PEAR1: variants seen among roughly 807,000 people sequenced by gnomAD.
The protein encoded by PEAR1 is multiple EGF-like domains protein 12.
Under a neutral mutation model 131.2 loss-of-function variants are expected in PEAR1, and 113 were observed. That is an observed-to-expected ratio of 0.86 (90% CI 0.74 to 1.01). The LOEUF (loss-of-function observed/expected upper bound fraction) is 1.01, where lower values mean the gene tolerates loss of function less well. PEAR1 is among the 50% of genes least tolerant of loss of function. PEAR1 has a pLI of 0.00. For synonymous variants in PEAR1, 565 were observed against 523.3 expected, an observed-to-expected ratio of 1.08 and a Z score of -1.09; for missense variants, 1,408 against 1,391.1, an observed-to-expected ratio of 1.01 and a Z score of -0.19.
chr1:156,915,874 A>T lies in PEAR1; in HGVS notation c.*1076A>T, dbSNP rs1344327300. ...TGGCTGACTGAATTAAGTACCAGTG[A>T]CATGCAGTAACTGCTAAGATAGATG... On this transcript the variant is annotated 3_prime_UTR_variant, in exon 23 of 23. Transcript: ENST00000292357. 1.3e-5 allele frequency: 2 copies of T among 152,258 alleles called. No homozygotes were observed. The highest frequency in any genetic ancestry group is 2.9e-5 in the Non-Finnish European group (2 of 68,046). The allele number at this position is 152,258 out of a possible 1,614,324, so 9.4% of individuals were successfully genotyped here. A position where few individuals can be genotyped will look rare whatever the true frequency, so the allele number is the denominator to read the frequency against.
chr1:156,897,290 C>T (rs1316811238), intron 1 of PEAR1, among the ~76,000 whole-genome samples: 10 of 152,144 alleles, frequency 6.6e-5, no homozygotes, highest in South Asian at 2.1e-4. Flanking sequence ...ATGGGAGCCG[C>T]GAGGAAACAC....
chr1:156,906,891 G>T lies in PEAR1; in HGVS notation c.644+11G>T, dbSNP rs762325882. ...GAGAACTGGGCCCAGGTATGTAATG[G>T]GGGGAACGACACTTTAACAAGATCG... On this transcript the variant is annotated intron_variant, in intron 6 of 22. Coordinates refer to ENST00000292357, the MANE Select transcript of PEAR1 (RefSeq NM_001080471.3). 6 of 1,612,372 alleles carry T rather than the reference G, an allele frequency of 3.7e-6. No homozygotes were observed. Among genetic ancestry groups the T allele is most frequent in the African/African-American group, 1.3e-5 (1 of 74,894 alleles).
chr1:156,907,852 G>T (rs1650517680), intron 7 of PEAR1, 63 bp from the exon 8 acceptor site: 2 of 1,586,026 alleles, frequency 1.3e-6, no homozygotes, highest in South Asian at 2.3e-5. Context: ...GGTGTCAAGG[G>T]GTCCTGTGGC....
intron 1 of PEAR1, among the ~76,000 whole-genome samples, chr1:156,901,898 A>T (rs1649719282): frequency 6.6e-6 from 1 of 151,914 alleles, no homozygotes; most frequent in African/African-American, 2.4e-5. Context: ...GTTTGGGGAC[A>T]TTGGGAGAAG....
In PEAR1 at chr1:156,908,477, G is replaced by C; in HGVS notation, c.1115+137G>C. 2 of 1,245,522 alleles carry C rather than the reference G, an allele frequency of 1.6e-6. No individual in the cohort carries two copies. Among genetic ancestry groups the C allele is most frequent in the Non-Finnish European group, 2.2e-6 (2 of 926,280 alleles). The allele number at this position is 1,245,522 out of a possible 1,614,324, so 77.2% of individuals were successfully genotyped here. The stretch of plus-strand genomic sequence containing the variant: ...GGGAAAGGGAGGGACCTCAGGGGCC[G>C]GGAGGGGCCTGGGGTACCGCTACTT... On this transcript the variant is annotated intron_variant, in intron 9 of 22. Transcript: ENST00000292357. The surrounding 1 kb of genome is among the most constrained non-coding windows in gnomAD (Gnocchi z 4.2).
chr1:156,900,230 TGGA>T (rs1333724641), intron 1 of PEAR1, among the ~76,000 whole-genome samples: 3 of 151,904 alleles, frequency 2.0e-5, no homozygotes, highest in Non-Finnish European at 4.4e-5. Context: ...CATCTCGAGG[TGGA>T]GGAGAGAGAA....
chr1:156,906,718 G>A lies in PEAR1; in HGVS notation c.482G>A (p.Gly161Glu). 2 of 1,614,204 alleles carry A rather than the reference G, an allele frequency of 1.2e-6. No homozygotes were observed. Among genetic ancestry groups the A allele is most frequent in the South Asian group, 1.1e-5 (1 of 91,082 alleles). Residue 161 changes from glycine to glutamate, a missense_variant, in exon 6 of 23, where the codon GGG becomes GAG. Transcript: ENST00000292357. ...GNNSSCDPKSGVCSCPSGLQP... is the reference protein window; with the variant it reads ...GNNSSCDPKSEVCSCPSGLQP... ...AACAGCTCGTGTGATCCCAAGAGTG[G>A]GGTATGTTCTTGCCCTTCTGGTCTG...
intron 15 of PEAR1, among the ~76,000 whole-genome samples, chr1:156,911,167 T>C (rs1351235304): frequency 1.5e-5 from 2 of 133,118 alleles, no homozygotes; most frequent in African/African-American, 6.1e-5. Context: ...TCTTTCTTTC[T>C]TTCCTTTCTT....
In PEAR1 at chr1:156,908,702, G is replaced by A; in HGVS notation, c.1163G>A (p.Gly388Asp). ...TGCTCCTGCCTGCCGGGCTGGGCGG[G>A]CCTCCACTGCAACGAGAGCTGCCCG... ...GECSCLPGWA[G>D]LHCNESCPQD... The change falls in exon 10 of 23, where the codon GGC (glycine) becomes GAC (aspartate). Residue 388 changes from glycine (G) to aspartate (D), a missense_variant. Physicochemically the swap from Gly to Asp is moderately conservative, Grantham distance 94. Transcript: ENST00000292357. The surrounding 1 kb of genome is among the most constrained non-coding windows in gnomAD (Gnocchi z 4.2). 1.3e-6 allele frequency: 2 copies of A among 1,540,900 alleles called. No individual in the cohort carries two copies. The highest frequency in any genetic ancestry group is 1.7e-6 in the Non-Finnish European group (2 of 1,147,960).
In PEAR1 at chr1:156,908,142, G is replaced by T; in HGVS notation, c.917G>T (p.Cys306Phe). The change falls in exon 9 of 23, where the codon TGC (cysteine) becomes TTC (phenylalanine). Residue 306 changes from cysteine (C) to phenylalanine (F), a missense_variant. Transcript: ENST00000292357. The surrounding 1 kb of genome is among the most constrained non-coding windows in gnomAD (Gnocchi z 4.2). ...TAGGTGCCCAGGTGCCGGGAGGAGTGCCCGGTGGGCCGCTTTGGGCAGGAC... is the reference window on the plus strand; with the variant it reads ...TAGGTGCCCAGGTGCCGGGAGGAGTTCCCGGTGGGCCGCTTTGGGCAGGAC... ...GYTGDRCREE[C>F]PVGRFGQDCA... The T allele has an allele frequency of 6.3e-7, 1 of 1,598,010 alleles. No individual in the cohort carries two copies.
chr1:156,914,096 C>T lies in PEAR1; in HGVS notation c.2958C>T (p.Ile986=). 1 of 1,589,102 alleles carries T rather than the reference C, an allele frequency of 6.3e-7. No homozygotes were observed. Among genetic ancestry groups the T allele is most frequent in the Non-Finnish European group, 8.6e-7 (1 of 1,166,980 alleles). The change falls in exon 22 of 23, where the codon ATC becomes ATT. Residue 986 remains isoleucine, a synonymous_variant. Transcript: ENST00000292357. ...CCTACGAGCAGCCCAGCCCCCTGAT[C>T]CATGGTGAGCCCTCCCTCTCCACTG... The part of the protein sequence containing the change: ...SGTYEQPSPL[I]HDRDSVGSQP...
At chr1:156,914,214 C>G in intron 22 of PEAR1, 114 bp downstream of exon 22, 1 of 1,434,312 alleles carries the variant, frequency 7.0e-7, no homozygotes, top group South Asian at 1.5e-5. Flanking sequence ...AGAGTGAGGC[C>G]TTTGGGGTCA....
chr1:156,904,818 C>T lies in PEAR1; in HGVS notation c.172C>T (p.Pro58Ser). The change falls in exon 3 of 23, where the codon CCC becomes TCC. Residue 58 changes from proline to serine, a missense_variant. Pro to Ser is a moderately conservative substitution (Grantham distance 74). Coordinates refer to ENST00000292357, the MANE Select transcript of PEAR1 (RefSeq NM_001080471.3). ...GCTCCCCTCAGAGCCCTGCGAGCGG[C>T]CCTGGGAGGGCCCCCATACTTGCCC... Reference protein sequence around the residue: ...SLLPSEPCERPWEGPHTCPQP... With the variant: ...SLLPSEPCERSWEGPHTCPQP... The T allele has an allele frequency of 1.2e-6, 2 of 1,613,932 alleles. No homozygotes were observed. The highest frequency in any genetic ancestry group is 2.2e-5 in the South Asian group (2 of 91,056).
rs996531394 is a variant in PEAR1 at position 156,913,270 on chromosome 1, A to G, written c.2499A>G (p.Pro833=). 3 of 1,603,114 alleles carry G rather than the reference A, an allele frequency of 1.9e-6. No individual in the cohort carries two copies. Among genetic ancestry groups the G allele is most frequent in the Admixed American group, 3.4e-5 (2 of 59,206 alleles). The stretch of plus-strand genomic sequence containing the variant: ...TGTCGCAGTGCTCCCCAAACCCCCC[A>G]CCCCCTAACAAGGTCAGTGCCGGGG... The part of the protein sequence containing the change: ...HTLSQCSPNP[P]PPNKVPGPLF... Residue 833 remains proline, a synonymous_variant, in exon 19 of 23, where the codon CCA becomes CCG. Coordinates refer to ENST00000292357, the MANE Select transcript of PEAR1 (RefSeq NM_001080471.3).
chr1:156,909,851 C>T lies in PEAR1; in HGVS notation c.1512C>T (p.Pro504=), dbSNP rs1271351653. The T allele has an allele frequency of 2.5e-6, 4 of 1,613,892 alleles. No individual in the cohort carries two copies. The South Asian group carries it at 4.4e-5, about 18-fold the overall frequency. The change falls in exon 12 of 23, where the codon CCC becomes CCT. Residue 504 remains proline, a synonymous_variant. Coordinates refer to ENST00000292357, the MANE Select transcript of PEAR1 (RefSeq NM_001080471.3). ...CQCAHEAVCS[P]QTGACTCTPG... ...GTGCCCATGAGGCAGTCTGCAGCCC[C>T]CAAACTGGAGCCTGTACCTGCACCC...
At chr1:156,907,866 G>A in intron 7 of PEAR1, 49 bp from the exon 8 acceptor site, 2 of 1,594,872 alleles carry the variant, frequency 1.3e-6, no homozygotes, top group Non-Finnish European at 1.7e-6. Flanking sequence ...CTGTGGCCTT[G>A]GGGAGGAGGC....
intron 15 of PEAR1, 42 bp from the exon 16 acceptor site, chr1:156,912,205 A>C (rs749689328): frequency 6.4e-7 from 1 of 1,569,524 alleles, no homozygotes; most frequent in South Asian, 1.2e-5. Context: ...ATCCAGGAAA[A>C]GCTGTACCTG....
chr1:156,910,789 G>C, intron 15 of PEAR1, 46 bp downstream of exon 15: 1 of 1,608,150 alleles, frequency 6.2e-7, no homozygotes, highest in Non-Finnish European at 8.5e-7. Context: ...TGCTGAGAGG[G>C]GGTGCTGAGG....
At chr1:156,910,419 G>C in intron 14 of PEAR1, 39 bp downstream of exon 14, 1 of 1,562,396 alleles carries the variant, frequency 6.4e-7, no homozygotes, top group African/African-American at 1.4e-5. Flanking sequence ...GCCACCAGCA[G>C]GGGGCAGTGT....
Sources: gnomAD v4.1 joint callset for allele counts (sites outside exome capture counted in the v4.1 genomes callset) on GRCh38, gnomAD v4.1.1 for gene constraint, Gnocchi (gnomAD v3.1) non-coding constraint, MANE v1.5 for transcripts, NCBI Gene and HGNC (gene_info 2026-07-23, HGNC 2026-07-21) for gene names.